Variants in RMDN2 observed in about 807,000 individuals in gnomAD.
RMDN2 encodes the protein regulator of microtubule dynamics 2.
RMDN2 carries 61 observed loss-of-function variants against 52.8 expected under a neutral mutation model. That is an observed-to-expected ratio of 1.16 (90% CI 0.94 to 1.43). RMDN2 has a LOEUF of 1.43. Ranked by LOEUF, RMDN2 falls within the 40% of genes most tolerant of loss-of-function variation. RMDN2 has a pLI of 0.00. For missense variants in RMDN2, 592 were observed against 475.3 expected, an observed-to-expected ratio of 1.25 and a Z score of -2.28; for synonymous variants, 180 against 153.1, an observed-to-expected ratio of 1.18 and a Z score of -1.30.
chr2:37,957,437 G>A (rs984444920), intron 2 of RMDN2, among the ~76,000 whole-genome samples: 1 of 152,004 alleles, frequency 6.6e-6, no homozygotes, highest in African/African-American at 2.4e-5. Flanking sequence ...TATGTTTGTT[G>A]GCTGCTTTTA....
chr2:37,991,081 T>A (rs1292372591), intron 6 of RMDN2, 139 bp from the exon 7 acceptor site: 1 of 413,368 alleles, frequency 2.4e-6, no homozygotes, highest in African/African-American at 2.0e-5. Flanking sequence ...ATTGATAAGA[T>A]TTCATTGTAT....
intron 2 of RMDN2, among the ~76,000 whole-genome samples, chr2:37,958,884 T>G (rs1427244552): frequency 6.6e-6 from 1 of 151,040 alleles, no homozygotes; most frequent in Non-Finnish European, 1.5e-5. Context: ...TTTCTGCATC[T>G]ATTGTGATAA....
intron 7 of RMDN2, among the ~76,000 whole-genome samples, chr2:37,995,082 A>G (rs1675329850): frequency 6.6e-6 from 1 of 152,192 alleles, no homozygotes; most frequent in East Asian, 1.9e-4. Flanking sequence ...ACAGGATTGT[A>G]TGCATTTGTC....
At chr2:38,065,659 A>T (rs1192518993) in intron 10 of RMDN2, among the ~76,000 whole-genome samples, 1 of 152,220 alleles carries the variant, frequency 6.6e-6, no homozygotes, top group Non-Finnish European at 1.5e-5. Context: ...GATGAGCCAC[A>T]TACACCAACA....
Position 38,012,766 on chromosome 2 carries a change from AT to A in RMDN2, c.1180-4416del, listed in dbSNP as rs573962753. 24 of 293,982 alleles carry A rather than the reference AT, an allele frequency of 8.2e-5. No homozygotes were observed. In the East Asian group the frequency reaches 2.4e-3, roughly 30 times the overall value. The allele number at this position is 293,982 out of a possible 1,614,324, so 18.2% of individuals were successfully genotyped here. ...CAGATTGAAATATACCCCATTAGTG[AT>A]TTTGCTAACCAAGTTTATTCATTTC... On this transcript the variant is annotated intron_variant, in intron 10 of 10. Transcript: ENST00000354545.
At chr2:37,945,156 A>G (rs1196329235) in intron 2 of RMDN2, among the ~76,000 whole-genome samples, 2 of 152,200 alleles carry the variant, frequency 1.3e-5, no homozygotes, top group African/African-American at 4.8e-5. Context: ...TAGCTTGAAA[A>G]GGTTAAGCTC....
chr2:37,994,305 A>G (rs1162776066), intron 7 of RMDN2, among the ~76,000 whole-genome samples: 2 of 152,234 alleles, frequency 1.3e-5, no homozygotes, highest in Non-Finnish European at 2.9e-5. Context: ...CATGAGCAAA[A>G]TTCAGTGCTG....
chr2:38,044,364 G>A (rs1048585766), intron 10 of RMDN2, among the ~76,000 whole-genome samples: 2 of 151,484 alleles, frequency 1.3e-5, no homozygotes, highest in Non-Finnish European at 2.9e-5. Flanking sequence ...TTTTGTTTTC[G>A]GTATTTATCC....
intron 2 of RMDN2, among the ~76,000 whole-genome samples, chr2:37,971,260 T>C (rs1163072729): frequency 6.6e-6 from 1 of 152,152 alleles, no homozygotes; most frequent in Non-Finnish European, 1.5e-5. Context: ...TTAATTTTTA[T>C]ATATGATAGG....
At chr2:38,005,527 G>T (rs1389507562) in intron 10 of RMDN2, among the ~76,000 whole-genome samples, 5 of 151,866 alleles carry the variant, frequency 3.3e-5, no homozygotes, top group Admixed American at 6.6e-5. Flanking sequence ...TTCATATCCT[G>T]TGCCCACTTT....
In RMDN2 at chr2:37,937,108, T is replaced by G. The variant is rs144386004; in HGVS notation, c.452+7379T>G. On this transcript the variant is annotated intron_variant, in intron 2 of 10. Coordinates refer to ENST00000354545, the MANE Select transcript of RMDN2 (RefSeq NM_001170791.3). ...GTGTAAGGAAGGGGTCCAGTTTCAGTTTTTTTTTGCATATGGCTAGCCAGT... is the reference window on the plus strand; with the variant it reads ...GTGTAAGGAAGGGGTCCAGTTTCAGGTTTTTTTTGCATATGGCTAGCCAGT... Among the ~76,000 whole-genome samples, 334 of 149,800 alleles carry G rather than the reference T, an allele frequency of 2.2e-3. 3 individuals are homozygous for G. The highest frequency in any genetic ancestry group is 7.9e-3 in the African/African-American group (317 of 40,028).
chr2:38,048,933 CCA>C (rs1681433145), intron 10 of RMDN2, among the ~76,000 whole-genome samples: 1 of 152,180 alleles, frequency 6.6e-6, no homozygotes, highest in Non-Finnish European at 1.5e-5. Flanking sequence ...TATGATCATT[CCA>C]CAAACAGGTA....
chr2:37,981,483 A>T, intron 5 of RMDN2, 140 bp downstream of exon 5: 1 of 602,842 alleles, frequency 1.7e-6, no homozygotes, highest in South Asian at 2.1e-5. Context: ...TAGCACAGTA[A>T]CTGTTCTTAT....
chr2:38,015,165 C>A (rs1678573294), intron 10 of RMDN2, among the ~76,000 whole-genome samples: 1 of 152,200 alleles, frequency 6.6e-6, no homozygotes, highest in Non-Finnish European at 1.5e-5. Flanking sequence ...TCTCAAGTTT[C>A]TATCTGTCTG....
chr2:37,962,538 C>T (rs1670386275), intron 2 of RMDN2, among the ~76,000 whole-genome samples: 1 of 152,166 alleles, frequency 6.6e-6, no homozygotes, highest in South Asian at 2.1e-4. Flanking sequence ...GGACGCCCCT[C>T]CCCCACCAAG....
intron 2 of RMDN2, among the ~76,000 whole-genome samples, chr2:37,933,270 C>T (rs369390783): frequency 2.0e-4 from 30 of 151,680 alleles, no homozygotes; most frequent in Non-Finnish European, 3.5e-4. Context: ...CGGGCAGAGA[C>T]GCTCCTCACT....
chr2:37,925,066 C>A (rs536649579), upstream of RMDN2, among the ~76,000 whole-genome samples: 1 of 152,288 alleles, frequency 6.6e-6, no homozygotes, highest in Non-Finnish European at 1.5e-5. Context: ...AGCGCGGAGG[C>A]CCAGAGCCCA....
chr2:38,055,883 CAG>C (rs766790414), intron 10 of RMDN2, among the ~76,000 whole-genome samples: 2 of 152,112 alleles, frequency 1.3e-5, no homozygotes, highest in Non-Finnish European at 2.9e-5. Context: ...TGAGTTGAGA[CAG>C]AGTCATCTTC....
At chr2:38,060,794 T>C (rs1573255108) in intron 10 of RMDN2, among the ~76,000 whole-genome samples, 1 of 149,908 alleles carries the variant, frequency 6.7e-6, no homozygotes, top group East Asian at 1.9e-4. Flanking sequence ...ACAATAAAGT[T>C]AGAGACAGCC....
Sources: allele counts gnomAD v4.1 joint callset (sites outside exome capture counted in the v4.1 genomes callset), GRCh38; gene constraint gnomAD v4.1.1; transcripts MANE v1.5; gene names NCBI Gene and HGNC (gene_info 2026-07-23, HGNC 2026-07-21).